The following PBX1 variants were observed in gnomAD, a reference collection of about 807,000 sequenced individuals.
The protein encoded by PBX1 is pre-B-cell leukemia transcription factor 1.
A neutral mutation model predicts 53.4 loss-of-function variants in PBX1; 6 were observed. The observed-to-expected ratio is 0.11, with a 90% CI of 0.06 to 0.22. The LOEUF (loss-of-function observed/expected upper bound fraction) is 0.22, where lower values mean the gene tolerates loss of function less well. Among genes scored for constraint, PBX1 ranks in the 10% least tolerant of loss-of-function variants. The pLI is 1.00. For missense variants in PBX1, 251 were observed against 551.4 expected (o/e 0.46, Z 5.46); for synonymous variants, 204 against 212.3 (o/e 0.96, Z 0.34).
chr1:164,620,609 C>T (rs565043861), intron 2 of PBX1, among the ~76,000 whole-genome samples: 1 of 152,222 alleles, frequency 6.6e-6, no homozygotes, highest in Admixed American at 6.5e-5. Flanking sequence ...TTGCTGAATA[C>T]ATGATTAATT....
chr1:164,620,406 T>A (rs1194977691), intron 2 of PBX1, among the ~76,000 whole-genome samples: 1 of 152,176 alleles, frequency 6.6e-6, no homozygotes, highest in African/African-American at 2.4e-5. Context: ...AAATTATGCA[T>A]CTTTAAAAAT....
intron 2 of PBX1, among the ~76,000 whole-genome samples, chr1:164,728,721 A>C (rs933815828): frequency 2.6e-5 from 4 of 152,212 alleles, no homozygotes; most frequent in African/African-American, 4.8e-5. Context: ...GCGTATATAA[A>C]AATTTTTTTA....
At chr1:164,566,977 T>C (rs1004562972) in intron 2 of PBX1, among the ~76,000 whole-genome samples, 1 of 152,196 alleles carries the variant, frequency 6.6e-6, no homozygotes, top group Non-Finnish European at 1.5e-5. Context: ...TCTTTCCTTT[T>C]CTCTCTGTGT....
chr1:164,721,039 A>G (rs1377330268), intron 2 of PBX1, among the ~76,000 whole-genome samples: 1 of 152,168 alleles, frequency 6.6e-6, no homozygotes, highest in African/African-American at 2.4e-5. Context: ...TGTTCTGTTT[A>G]CTTGAACCAG....
chr1:164,686,386 G>C (rs901976751), intron 2 of PBX1, among the ~76,000 whole-genome samples: 3 of 151,970 alleles, frequency 2.0e-5, no homozygotes, highest in Non-Finnish European at 2.9e-5. Flanking sequence ...ATTTGGTGTG[G>C]CTTCTTGGGA....
intron 2 of PBX1, among the ~76,000 whole-genome samples, chr1:164,790,362 C>T (rs1668434849): frequency 6.6e-6 from 1 of 152,146 alleles, no homozygotes; most frequent in Non-Finnish European, 1.5e-5. Context: ...CAAAATAAAC[C>T]TCAATGACCT....
chr1:164,767,578 A>G (rs1667128772), intron 2 of PBX1, among the ~76,000 whole-genome samples: 1 of 152,036 alleles, frequency 6.6e-6, no homozygotes, highest in Non-Finnish European at 1.5e-5. Context: ...ATATCTCTTG[A>G]TAAGTCATCC....
At chr1:164,879,178 T>C (rs1198592929) in intron 2 of PBX1, among the ~76,000 whole-genome samples, 6 of 152,182 alleles carry the variant, frequency 3.9e-5, no homozygotes, top group Non-Finnish European at 8.8e-5. Context: ...AGATTTGAAA[T>C]TTAGTGGAAC....
chr1:164,717,054 C>G (rs970282945), intron 2 of PBX1, among the ~76,000 whole-genome samples: 3 of 152,038 alleles, frequency 2.0e-5, no homozygotes, highest in African/African-American at 7.2e-5. Context: ...TGAGAAGAAC[C>G]AAATACACGA....
intron 2 of PBX1, among the ~76,000 whole-genome samples, chr1:164,867,221 A>C (rs1182784923): frequency 6.6e-6 from 1 of 152,154 alleles, no homozygotes; most frequent in Non-Finnish European, 1.5e-5. Context: ...TCATCAGTAG[A>C]GCGGGAATCT....
intron 2 of PBX1, among the ~76,000 whole-genome samples, chr1:164,708,278 T>C (rs1319490667): frequency 6.6e-6 from 1 of 152,170 alleles, no homozygotes; most frequent in African/African-American, 2.4e-5. Flanking sequence ...AAGGGGCAGA[T>C]AGAGATGAGT....
At chr1:164,798,485 A>G (rs1558014235) in intron 3 of PBX1, among the ~76,000 whole-genome samples, 1 of 152,220 alleles carries the variant, frequency 6.6e-6, no homozygotes, top group South Asian at 2.1e-4. Flanking sequence ...CATAGTAACT[A>G]AAAGAGAGGG....
At chr1:164,616,780 T>C (rs1403916255) in intron 2 of PBX1, among the ~76,000 whole-genome samples, 1 of 152,228 alleles carries the variant, frequency 6.6e-6, no homozygotes, top group East Asian at 1.9e-4. Context: ...ATTACTAATA[T>C]GTATTGATAC....
At chr1:164,668,287 A>G (rs1660918879) in intron 2 of PBX1, among the ~76,000 whole-genome samples, 1 of 152,148 alleles carries the variant, frequency 6.6e-6, no homozygotes, top group Admixed American at 6.5e-5. Context: ...AGGGATGGGT[A>G]TATTATGCTT....
chr1:164,568,161 T>C (rs1199401190), intron 2 of PBX1, among the ~76,000 whole-genome samples: 1 of 152,206 alleles, frequency 6.6e-6, no homozygotes, highest in Non-Finnish European at 1.5e-5. Flanking sequence ...ATGTTGCACA[T>C]AATTTAAATT....
intron 2 of PBX1, among the ~76,000 whole-genome samples, chr1:164,587,039 C>T (rs1488963440): frequency 2.6e-5 from 4 of 152,078 alleles, no homozygotes; most frequent in African/African-American, 9.7e-5. Context: ...GGTATACCAG[C>T]GAAATAGCAA....
At chr1:164,720,929 A>T (rs1664370413) in intron 2 of PBX1, among the ~76,000 whole-genome samples, 1 of 152,122 alleles carries the variant, frequency 6.6e-6, no homozygotes, top group Non-Finnish European at 1.5e-5. Context: ...ATTTACAGTG[A>T]CTGTGCCTTC....
At chr1:164,792,405 T>A in intron 2 of PBX1, 89 bp from the exon 3 acceptor site, 1 of 1,540,486 alleles carries the variant, frequency 6.5e-7, no homozygotes, top group Non-Finnish European at 8.8e-7. Flanking sequence ...ACTTGGCAGC[T>A]TATGTAGCCA....
chr1:164,849,505 G>T lies in PBX1; in HGVS notation c.*2829G>T, dbSNP rs1671729678. The T allele has an allele frequency of 3.3e-6, 5 of 1,507,222 alleles. No individual in the cohort carries two copies. The highest frequency in any genetic ancestry group is 2.0e-5 in the Admixed American group (1 of 50,712). The allele number at this position is 1,507,222 out of a possible 1,614,324, so 93.4% of individuals were successfully genotyped here. ...ACAGCTTCCTGGGAATTCACATGAG[G>T]CCAGTCCTACAGAGAGCAAGATGCA... On this transcript the variant is annotated 3_prime_UTR_variant, in exon 9 of 9. Transcript: ENST00000420696.
Sources: allele counts gnomAD v4.1 joint callset (sites outside exome capture counted in the v4.1 genomes callset), GRCh38; gene constraint gnomAD v4.1.1; transcripts MANE v1.5; gene names NCBI Gene and HGNC (gene_info 2026-07-23, HGNC 2026-07-21).